ANK2: variants seen among roughly 807,000 people sequenced by gnomAD.
The protein encoded by ANK2 is ankyrin-2.
ANK2 carries 83 observed loss-of-function variants against 360.5 expected under a neutral mutation model. The observed-to-expected ratio is 0.23, with a 90% CI of 0.19 to 0.28. ANK2 has a LOEUF of 0.28. Ranked by LOEUF, ANK2 falls within the 10% of genes least tolerant of loss-of-function variation. ANK2 has a pLI of 1.00. For synonymous variants in ANK2, 1,740 were observed against 1,759.5 expected, an observed-to-expected ratio of 0.99 and a Z score of 0.28; for missense variants, 4,201 against 4,795.7, an observed-to-expected ratio of 0.88 and a Z score of 3.66.
chr4:113,328,084 C>G (rs954917738), intron 26 of ANK2, among the ~76,000 whole-genome samples: 1 of 152,118 alleles, frequency 6.6e-6, no homozygotes, highest in Non-Finnish European at 1.5e-5. Context: ...TAAGCCATCA[C>G]TGGAATAAAT....
chr4:112,733,236 A>AT, the ANK2 span, among the ~76,000 whole-genome samples: 1 of 151,502 alleles, frequency 6.6e-6, no homozygotes, highest in African/African-American at 2.4e-5. Flanking sequence ...ATAATAATAC[A>AT]TAAAAAAAAT....
intron 1 of ANK2, among the ~76,000 whole-genome samples, chr4:113,155,522 A>T (rs911392991): frequency 4.6e-5 from 7 of 152,154 alleles, no homozygotes; most frequent in Non-Finnish European, 8.8e-5. Flanking sequence ...TTCAAATAAG[A>T]TTGTTACTTA....
At chr4:113,249,250 A>G (rs1453596164) in intron 9 of ANK2, among the ~76,000 whole-genome samples, 1 of 152,258 alleles carries the variant, frequency 6.6e-6, no homozygotes, top group African/African-American at 2.4e-5. Flanking sequence ...ATTAGGAAGC[A>G]TTTTAGAATT....
chr4:113,339,396 G>A (rs2093985392), intron 32 of ANK2, 74 bp downstream of exon 32: 1 of 1,220,656 alleles, frequency 8.2e-7, no homozygotes, highest in Admixed American at 1.7e-5. Flanking sequence ...GTTTTATTTT[G>A]TTTCTTTATT....
intron 1 of ANK2, among the ~76,000 whole-genome samples, chr4:113,052,302 G>A (rs1188675532): frequency 6.6e-6 from 1 of 152,152 alleles, no homozygotes; most frequent in Non-Finnish European, 1.5e-5. Flanking sequence ...CAATTCGGTT[G>A]TTTGTTTTTC....
At chr4:113,350,029 A>G (rs957560298) in intron 36 of ANK2, among the ~76,000 whole-genome samples, 199 bp from the exon 37 acceptor site, 11 of 152,148 alleles carry the variant, frequency 7.2e-5, no homozygotes, top group African/African-American at 2.7e-4. Context: ...TAGTGTCTAG[A>G]AAACAGAAGG....
rs62313215 is a variant in ANK2 at position 113,251,989 on chromosome 4, G to A, written c.990+2127G>A. On this transcript the variant is annotated intron_variant, in intron 10 of 45. Coordinates refer to ENST00000357077, the MANE Select transcript of ANK2 (RefSeq NM_001148.6). ...TCTCCCTCCCCTTCTGTATTAGTCC[G>A]TTTCACGCTACTGATAAAGACATAC... Among the ~76,000 whole-genome samples the A allele has an allele frequency of 7.1e-3, 1,079 of 152,166 alleles. 8 individuals carry two copies. The highest frequency in any genetic ancestry group is 0.01 in the South Asian group (50 of 4,818).
chr4:113,145,677 T>G (rs1415070677), intron 1 of ANK2: 2 of 1,122,164 alleles, frequency 1.8e-6, no homozygotes, highest in Non-Finnish European at 2.2e-6. Flanking sequence ...TTGCCGGGGG[T>G]TTTGAGTTCT....
At chr4:112,767,044 C>T in the ANK2 span, among the ~76,000 whole-genome samples, 82 of 152,282 alleles carry the variant, frequency 5.4e-4, no homozygotes, top group African/African-American at 1.9e-3. Context: ...CAGTATTGCT[C>T]ATATATTTTG....
chr4:113,148,309 G>C lies in ANK2; in HGVS notation c.85-26107G>C, dbSNP rs937879105. Among the ~76,000 whole-genome samples the C allele has an allele frequency of 1.4e-4, 22 of 152,126 alleles. 1 individual carries two copies. The highest frequency in any genetic ancestry group is 5.1e-4 in the African/African-American group (21 of 41,512). On this transcript the variant is annotated intron_variant, in intron 1 of 45. Coordinates refer to ENST00000357077, the MANE Select transcript of ANK2 (RefSeq NM_001148.6). ...ATGTATTTCTATTGTGGTTTCCTTA[G>C]CATAACAAATTAATTTGCTTTGTCC... is the stretch of plus-strand genomic sequence containing the variant.
chr4:112,895,430 A>G (rs532895443), intron 1 of ANK2, among the ~76,000 whole-genome samples: 1 of 152,210 alleles, frequency 6.6e-6, no homozygotes, highest in African/African-American at 2.4e-5. Flanking sequence ...AGGAATTTTC[A>G]TTCATTAGTG....
At chr4:112,894,297 A>T (rs906646186) in intron 1 of ANK2, among the ~76,000 whole-genome samples, 3 of 152,144 alleles carry the variant, frequency 2.0e-5, no homozygotes, top group African/African-American at 4.8e-5. Context: ...GGAGAAGGAG[A>T]GCTCCATTCA....
At chr4:112,994,007 C>T (rs923179244) in intron 2 of ANK2, among the ~76,000 whole-genome samples, 6 of 152,122 alleles carry the variant, frequency 3.9e-5, no homozygotes, top group Non-Finnish European at 5.9e-5. Context: ...CATGCCCGGC[C>T]GGCAACTGCA....
At chr4:113,226,278 G>T (rs1389734323) in intron 4 of ANK2, among the ~76,000 whole-genome samples, 1 of 152,172 alleles carries the variant, frequency 6.6e-6, no homozygotes, top group African/African-American at 2.4e-5. Flanking sequence ...AAGGCTTTCA[G>T]AATAAAATTC....
At chr4:113,106,481 A>C (rs1241459369) in intron 1 of ANK2, among the ~76,000 whole-genome samples, 4 of 152,180 alleles carry the variant, frequency 2.6e-5, no homozygotes, top group Admixed American at 6.5e-5. Context: ...AGGATAATTG[A>C]AACCCTCCAC....
chr4:112,889,677 G>T (rs2079412521), intron 1 of ANK2, among the ~76,000 whole-genome samples: 1 of 151,894 alleles, frequency 6.6e-6, no homozygotes, highest in South Asian at 2.1e-4. Context: ...TATTAGTAAA[G>T]CATGTCATGA....
intron 24 of ANK2, among the ~76,000 whole-genome samples, chr4:113,312,896 G>T (rs1362050884): frequency 6.6e-6 from 1 of 152,190 alleles, no homozygotes; most frequent in Non-Finnish European, 1.5e-5. Context: ...AGAAGCAATT[G>T]TTCGTGTATT....
chr4:113,373,038 C>T, intron 43 of ANK2, 52 bp from the exon 44 acceptor site: 1 of 1,437,732 alleles, frequency 7.0e-7, no homozygotes, highest in Admixed American at 1.7e-5. Context: ...GGGAGTAGTT[C>T]CTCAGAATTG....
chr4:113,317,283 T>C, intron 24 of ANK2, among the ~76,000 whole-genome samples: 1 of 152,180 alleles, frequency 6.6e-6, no homozygotes, highest in East Asian at 1.9e-4. Flanking sequence ...TTTGTTCTTC[T>C]CTCTGAGGGC....
Sources: gnomAD v4.1 joint callset for allele counts (sites outside exome capture counted in the v4.1 genomes callset) on GRCh38, gnomAD v4.1.1 for gene constraint, MANE v1.5 for transcripts, NCBI Gene and HGNC (gene_info 2026-07-23, HGNC 2026-07-21) for gene names.